PLCE1: variants seen among roughly 807,000 people sequenced by gnomAD.
PLCE1 encodes the protein 1-phosphatidylinositol 4,5-bisphosphate phosphodiesterase epsilon-1.
A neutral mutation model predicts 242.8 loss-of-function variants in PLCE1; 119 were observed. The ratio of observed to expected loss-of-function variants is 0.49; its 90% CI spans 0.42 to 0.57. The LOEUF (loss-of-function observed/expected upper bound fraction) is 0.57. Ranked by LOEUF, PLCE1 falls within the 20% of genes least tolerant of loss-of-function variation. The pLI is 0.00. For missense variants in PLCE1, 2,441 were observed against 2,788.8 expected (o/e 0.88, Z 2.81); for synonymous variants, 945 against 1,017.4 (o/e 0.93, Z 1.35).
In PLCE1 at chr10:94,313,322, A is replaced by C; in HGVS notation, c.6072A>C (p.Pro2024=). The change falls in exon 28 of 33, where the codon CCA becomes CCC. Residue 2024 remains proline (P), a synonymous_variant. Transcript: ENST00000371380. Reference sequence around the variant, plus strand: ...TCACGGTGCATGGGGTCCCAGGGCCAGAGCCCTTTACCGTTTTCACTATTA... The same window carrying C: ...TCACGGTGCATGGGGTCCCAGGGCCCGAGCCCTTTACCGTTTTCACTATTA... ...HRVTVHGVPG[P]EPFTVFTING... 6.2e-7 allele frequency: 1 copy of C among 1,614,198 alleles called. No homozygotes were observed. Among genetic ancestry groups the C allele is most frequent in the African/African-American group, 1.3e-5 (1 of 75,058 alleles).
chr10:94,087,769 A>C (rs2044889726), intron 2 of PLCE1, among the ~76,000 whole-genome samples: 1 of 152,194 alleles, frequency 6.6e-6, no homozygotes, highest in African/African-American at 2.4e-5. Context: ...AATGAGATTC[A>C]AAAAGGGAAG....
chr10:94,132,356 G>T lies in PLCE1; in HGVS notation c.1389G>T (p.Ser463=). 1 of 1,613,898 alleles carries T rather than the reference G, an allele frequency of 6.2e-7. No individual in the cohort carries two copies. ...YRATLQRTSI[S]QYITGSLLEA... ...CCACCCTCCAAAGGACTTCAATATC[G>T]CAGTACATCACCGGTTCTCTCCTAG... The change falls in exon 3 of 33, where the codon TCG becomes TCT. Residue 463 remains serine, a synonymous_variant. Transcript: ENST00000371380.
In PLCE1 at chr10:94,328,196, C is replaced by T. The variant is rs79412094; in HGVS notation, c.*253C>T. 6.8e-3 allele frequency: 2,099 copies of T among 309,348 alleles called. 54 individuals carry two copies. Among genetic ancestry groups the T allele is most frequent in the African/African-American group, 0.042 (1,933 of 46,042 alleles). The allele number at this position is 309,348 out of a possible 1,614,324, so 19.2% of individuals were successfully genotyped here. ...TATAAATGTCAGCAGTTGGAAAAATCGTCACGAATTGACTTAGAGCAAGGG... is the reference window on the plus strand; with the variant it reads ...TATAAATGTCAGCAGTTGGAAAAATTGTCACGAATTGACTTAGAGCAAGGG... On this transcript the variant is annotated 3_prime_UTR_variant, in exon 33 of 33. Transcript: ENST00000371380.
intron 27 of PLCE1, among the ~76,000 whole-genome samples, chr10:94,311,709 T>C (rs2053392141): frequency 6.6e-6 from 1 of 152,200 alleles, no homozygotes. Flanking sequence ...TCTTCCTAAT[T>C]GGTCTCATTT....
intron 2 of PLCE1, among the ~76,000 whole-genome samples, chr10:94,068,019 G>C (rs2044245395): frequency 6.6e-6 from 1 of 152,168 alleles, no homozygotes; most frequent in Admixed American, 6.5e-5. Flanking sequence ...TCTTCCAGCA[G>C]GCTTTGTCCT....
chr10:94,023,927 AC>A (rs2061417650), intron 1 of PLCE1, among the ~76,000 whole-genome samples: 2 of 152,106 alleles, frequency 1.3e-5, no homozygotes, highest in South Asian at 4.1e-4. Context: ...AGATGAGTAC[AC>A]CAGTGCCTTT....
rs1286274921 is a variant in PLCE1, at chr10:94,031,422, T to C, written c.376T>C (p.Tyr126His). The change falls in exon 2 of 33, where the codon TAC becomes CAC. Residue 126 changes from tyrosine to histidine, a missense_variant. By Grantham distance (83) the Tyr-to-His change is moderately conservative. Around this residue, in one of 5 missense-constraint regions of PLCE1, gnomAD observed 393 missense variants for 378.5 expected, o/e 1.04. Transcript: ENST00000371380. ...TCCTCAGAGACAATTTTATGAAATG[T>C]ACAACTCTGTTGCTGAGGAAGACTT... is the stretch of plus-strand genomic sequence containing the variant. ...GLPQRQFYEMYNSVAEEDLCL... is the reference protein window; with the variant it reads ...GLPQRQFYEMHNSVAEEDLCL... 3 of 1,613,852 alleles carry C rather than the reference T, an allele frequency of 1.9e-6. No individual in the cohort carries two copies. The highest frequency in any genetic ancestry group is 2.5e-6 in the Non-Finnish European group (3 of 1,179,834).
chr10:94,252,362 T>A lies in PLCE1; in HGVS notation c.3143T>A (p.Leu1048Ter). The A allele has an allele frequency of 6.2e-7, 1 of 1,614,116 alleles. No individual in the cohort carries two copies. Among genetic ancestry groups the A allele is most frequent in the Non-Finnish European group, 8.5e-7 (1 of 1,179,996 alleles). Residue 1048 changes from leucine (L) to a stop codon, truncating the protein, a stop_gained, in exon 9 of 33, where the codon TTG (leucine) becomes TAG (stop). Coordinates refer to ENST00000371380, the MANE Select transcript of PLCE1 (RefSeq NM_016341.4). LOFTEE classifies it high-confidence loss of function. ...CCAACTTTGGCTCACGCTGTGGAGT[T>A]GTTTGGTGGCAGACGGTGGAGTGCT... ...EGPTLAHAVE[L>*]FGGRRWSARN...
At chr10:94,323,893 C>A (rs1255185573) in intron 30 of PLCE1, among the ~76,000 whole-genome samples, 1 of 152,162 alleles carries the variant, frequency 6.6e-6, no homozygotes, top group Non-Finnish European at 1.5e-5. Context: ...GATCAGTTGA[C>A]TTCTAAAATT....
intron 14 of PLCE1, among the ~76,000 whole-genome samples, chr10:94,264,080 G>T (rs1265065269): frequency 3.3e-5 from 5 of 152,168 alleles, no homozygotes; most frequent in Non-Finnish European, 4.4e-5. Flanking sequence ...ATTCTAGAAG[G>T]TGAGGCAGAC....
intron 4 of PLCE1, among the ~76,000 whole-genome samples, chr10:94,204,062 C>CA (rs1212738060): frequency 2.0e-5 from 3 of 150,524 alleles, no homozygotes; most frequent in African/African-American, 7.3e-5. Flanking sequence ...TTCGTATTTG[C>CA]AAAAAATAAA....
At chr10:94,266,778 C>CAGTGG in intron 16 of PLCE1, among the ~76,000 whole-genome samples, 1 of 152,192 alleles carries the variant, frequency 6.6e-6, no homozygotes. Context: ...CTTTGTTCTC[C>CAGTGG]AGATTAGTCC....
intron 1 of PLCE1, among the ~76,000 whole-genome samples, chr10:94,026,685 C>T (rs1261425532): frequency 6.6e-6 from 1 of 152,050 alleles, no homozygotes; most frequent in Non-Finnish European, 1.5e-5. Context: ...TATTTCATCT[C>T]AATATTATAG....
At chr10:94,112,959 G>T (rs2046000987) in intron 2 of PLCE1, among the ~76,000 whole-genome samples, 1 of 152,134 alleles carries the variant, frequency 6.6e-6, no homozygotes, top group South Asian at 2.1e-4. Flanking sequence ...CTGGTCCTAG[G>T]GCTGGGGACT....
At position 94,315,516 on chromosome 10, in the gene PLCE1, C is replaced by G. The variant is rs1219978898; in HGVS notation, c.6133-1031C>G. On this transcript the variant is annotated intron_variant, in intron 28 of 32. Coordinates refer to ENST00000371380, the MANE Select transcript of PLCE1 (RefSeq NM_016341.4). ...TTGGTAAAACTATAATGCCTGTAAT[C>G]CCGGCACTTTGGGAGGCCGAGGCGG... 4 of 455,804 alleles carry G rather than the reference C, an allele frequency of 8.8e-6. No homozygotes were observed. The East Asian group carries it at 2.8e-4, about 32-fold the overall frequency. The allele number at this position is 455,804 out of a possible 1,614,324, so 28.2% of individuals were successfully genotyped here.
At chr10:94,280,230 G>C in intron 20 of PLCE1, 1 of 390,246 alleles carries the variant, frequency 2.6e-6, no homozygotes, top group South Asian at 2.2e-5. Flanking sequence ...TGATAATCTT[G>C]GCAGGAGTCG....
At chr10:94,294,383 A>G (rs912156689) in intron 23 of PLCE1, among the ~76,000 whole-genome samples, 8 of 152,228 alleles carry the variant, frequency 5.3e-5, no homozygotes, top group African/African-American at 1.7e-4. Flanking sequence ...TCCTGGTGCT[A>G]TTCTCCAGAA....
chr10:94,259,293 T>TC, intron 13 of PLCE1, 143 bp downstream of exon 13: 1 of 877,958 alleles, frequency 1.1e-6, no homozygotes. Flanking sequence ...GAATTTTTTT[T>TC]TTTTTTTTGA....
At chr10:94,085,802 G>C (rs2044801250) in intron 2 of PLCE1, among the ~76,000 whole-genome samples, 1 of 152,194 alleles carries the variant, frequency 6.6e-6, no homozygotes, top group African/African-American at 2.4e-5. Context: ...TCACGAGCAG[G>C]CTGATCATCC....
Sources: gnomAD v4.1 joint callset for allele counts (sites outside exome capture counted in the v4.1 genomes callset) on GRCh38, gnomAD v4.1.1 for gene constraint, gnomAD v4.1.1 regional missense constraint, MANE v1.5 for transcripts, NCBI Gene and HGNC (gene_info 2026-07-23, HGNC 2026-07-21) for gene names.